The following CACNG2 variants were observed in gnomAD, a reference collection of about 807,000 sequenced individuals.
CACNG2 encodes calcium voltage-gated channel auxiliary subunit gamma 2.
Under a neutral mutation model 25.9 loss-of-function variants are expected in CACNG2, and 3 were observed. That is an observed-to-expected ratio of 0.12 (90% CI 0.05 to 0.30). The LOEUF is 0.30. CACNG2 is among the 10% of genes least tolerant of loss of function. CACNG2 has a pLI of 1.00. For synonymous variants in CACNG2, 167 were observed against 173.3 expected (o/e 0.96, Z 0.29); for missense variants, 341 against 432.5 (o/e 0.79, Z 1.88).
In CACNG2 at chr22:36,566,425, T is replaced by C. The variant is rs2145905291; in HGVS notation, c.364A>G (p.Ile122Val). Residue 122 changes from isoleucine (I) to valine (V), a missense_variant, in exon 3 of 4, where the codon ATC becomes GTC. Ile to Val is a conservative substitution (Grantham distance 29). Transcript: ENST00000300105. The stretch of plus-strand genomic sequence containing the variant: ...GTTTTGTAGAACTCGCTGGCTGCGA[T>C]GCAGAGGCCACCCATGAAAAGCAGA... ...VILLFMGGLCIAASEFYKTRH... is the reference protein window; with the variant it reads ...VILLFMGGLCVAASEFYKTRH... 1.9e-6 allele frequency: 3 copies of C among 1,614,120 alleles called. No homozygotes were observed. The East Asian group carries it at 6.7e-5, about 36-fold the overall frequency.
intron 1 of CACNG2, among the ~76,000 whole-genome samples, chr22:36,636,405 AG>A (rs1242018497): frequency 6.6e-6 from 1 of 152,170 alleles, no homozygotes; most frequent in African/African-American, 2.4e-5. Context: ...CGCCTAGATC[AG>A]GTTCCCCCGG....
At chr22:36,651,412 A>G (rs909881707) in intron 1 of CACNG2, among the ~76,000 whole-genome samples, 1 of 151,614 alleles carries the variant, frequency 6.6e-6, no homozygotes, top group Admixed American at 6.6e-5. Context: ...TATTTTAAGT[A>G]GAGATGGGGT....
chr22:36,611,545 A>G (rs889853541), intron 1 of CACNG2, among the ~76,000 whole-genome samples: 5 of 152,220 alleles, frequency 3.3e-5, no homozygotes, highest in Admixed American at 3.3e-4. Flanking sequence ...GACATCAGGC[A>G]GGCAGGTACT....
At chr22:36,635,841 A>G (rs535477600) in intron 1 of CACNG2, among the ~76,000 whole-genome samples, 14 of 152,218 alleles carry the variant, frequency 9.2e-5, no homozygotes, top group Middle Eastern at 6.8e-3. Context: ...GAGAGTCAGG[A>G]TTCTGGGAGT....
At chr22:36,656,808 T>G (rs566084579) in intron 1 of CACNG2, among the ~76,000 whole-genome samples, 4 of 152,360 alleles carry the variant, frequency 2.6e-5, no homozygotes, top group African/African-American at 9.6e-5. Context: ...TTTTTACCAG[T>G]GAGGCGTCCT....
intron 1 of CACNG2, among the ~76,000 whole-genome samples, chr22:36,590,692 C>G (rs905851751): frequency 1.3e-5 from 2 of 152,160 alleles, no homozygotes; most frequent in African/African-American, 2.4e-5. Flanking sequence ...TGACAGTGAT[C>G]CTTTGTACAT....
intron 1 of CACNG2, among the ~76,000 whole-genome samples, chr22:36,652,950 G>A (rs1335792783): frequency 6.6e-6 from 1 of 152,166 alleles, no homozygotes; most frequent in Admixed American, 6.5e-5. Context: ...TCCCCATGCT[G>A]GAGTCCCCCC....
intron 1 of CACNG2, among the ~76,000 whole-genome samples, chr22:36,618,340 G>T (rs1328225778): frequency 1.3e-5 from 2 of 152,226 alleles, no homozygotes; most frequent in Admixed American, 6.5e-5. Context: ...GGCTGCAGAG[G>T]CTGCCCCAGT....
At chr22:36,649,128 C>A (rs1478313073) in intron 1 of CACNG2, among the ~76,000 whole-genome samples, 2 of 152,192 alleles carry the variant, frequency 1.3e-5, no homozygotes, top group African/African-American at 4.8e-5. Context: ...CTTCAGATGT[C>A]TTAATGGTGA....
intron 1 of CACNG2, among the ~76,000 whole-genome samples, chr22:36,609,664 A>C (rs1603501563): frequency 1.1e-5 from 1 of 87,370 alleles, no homozygotes; most frequent in African/African-American, 4.3e-5. Flanking sequence ...TCAGCCCCCC[A>C]GAGCGTGATC....
chr22:36,639,610 G>T (rs1936412122), intron 1 of CACNG2, among the ~76,000 whole-genome samples: 1 of 152,174 alleles, frequency 6.6e-6, no homozygotes, highest in Non-Finnish European at 1.5e-5. Context: ...ATCTCTGTTT[G>T]TATCCTTGTC....
intron 1 of CACNG2, among the ~76,000 whole-genome samples, chr22:36,649,522 G>A (rs1167950686): frequency 7.2e-5 from 11 of 152,186 alleles, no homozygotes; most frequent in Admixed American, 7.2e-4. Context: ...TCAAACTCCT[G>A]ACCTTGTGAT....
At chr22:36,597,094 C>G (rs1416657041) in intron 1 of CACNG2, among the ~76,000 whole-genome samples, 1 of 152,202 alleles carries the variant, frequency 6.6e-6, no homozygotes. Flanking sequence ...ACGATCTCAG[C>G]TCACTGCAAC....
intron 1 of CACNG2, among the ~76,000 whole-genome samples, chr22:36,638,348 G>C (rs1050169919): frequency 6.6e-6 from 1 of 152,206 alleles, no homozygotes; most frequent in African/African-American, 2.4e-5. Context: ...TGGAATCCAG[G>C]ACACTTATTG....
intron 1 of CACNG2, among the ~76,000 whole-genome samples, chr22:36,682,206 A>G (rs191749829): frequency 1.5e-3 from 229 of 152,352 alleles, no homozygotes; most frequent in Non-Finnish European, 2.5e-3. Flanking sequence ...AGGCCCTTGC[A>G]GGAGTGAAGC....
At chr22:36,619,934 G>A (rs1212859343) in intron 1 of CACNG2, among the ~76,000 whole-genome samples, 2 of 152,242 alleles carry the variant, frequency 1.3e-5, no homozygotes, top group African/African-American at 4.8e-5. Flanking sequence ...GTCACTTGGG[G>A]TCATCGCTTT....
At chr22:36,628,774 C>A (rs1490426773) in intron 1 of CACNG2, among the ~76,000 whole-genome samples, 3 of 152,056 alleles carry the variant, frequency 2.0e-5, no homozygotes, top group East Asian at 1.9e-4. Context: ...GCCCCTCCAA[C>A]CCCCACTGCT....
rs796127467 is a variant in CACNG2, at chr22:36,606,882, T to A, written c.212-19334A>T. 8.6e-5 allele frequency among the ~76,000 whole-genome samples: 13 copies of A among 151,278 alleles called. No individual in the cohort carries two copies. Among genetic ancestry groups the A allele is most frequent in the African/African-American group, 2.9e-4 (12 of 41,230 alleles). ...GTACGTGTGTATGTCTGTGTGTGAG[T>A]CTGTGTGTGTGTCTGTGGTGTGTGT... On this transcript the variant is annotated intron_variant, in intron 1 of 3. Coordinates refer to ENST00000300105, the MANE Select transcript of CACNG2 (RefSeq NM_006078.5). This position sits in a 1 kb window ranked among gnomAD's most constrained non-coding sequence, Gnocchi z 5.7.
Position 36,570,655 on chromosome 22 carries a change from G to A in CACNG2, c.296-4162C>T, listed in dbSNP as rs561630599. Among the ~76,000 whole-genome samples, 6 of 151,914 alleles carry A rather than the reference G, an allele frequency of 3.9e-5. No individual in the cohort carries two copies. In the South Asian group the frequency reaches 1.2e-3, roughly 32 times the overall value. On this transcript the variant is annotated intron_variant, in intron 2 of 3. Coordinates refer to ENST00000300105, the MANE Select transcript of CACNG2 (RefSeq NM_006078.5). ...GTGCGTGTCAGTAGTCTCAGCTACT[G>A]GGGGTGCTGAGGCAGGAAGATAGCT...
Sources: allele counts gnomAD v4.1 joint callset (sites outside exome capture counted in the v4.1 genomes callset), GRCh38; gene constraint gnomAD v4.1.1; non-coding constraint Gnocchi (gnomAD v3.1); transcripts MANE v1.5; gene names NCBI Gene and HGNC (gene_info 2026-07-23, HGNC 2026-07-21).